The following SLC44A5 variants were observed in gnomAD, a reference collection of about 807,000 sequenced individuals.
The protein encoded by SLC44A5 is solute carrier family 44 member 5, also known as choline transporter-like protein 5.
A neutral mutation model predicts 101.8 loss-of-function variants in SLC44A5; 57 were observed. The ratio of observed to expected loss-of-function variants is 0.56; its 90% CI spans 0.45 to 0.70. The LOEUF is 0.70. Among genes scored for constraint, SLC44A5 ranks in the 30% least tolerant of loss-of-function variants. The probability of loss-of-function intolerance (pLI) is 0.00; values close to 1 mark genes in which losing one functional copy is unlikely to be tolerated. For synonymous variants in SLC44A5, 281 were observed against 290.9 expected, an observed-to-expected ratio of 0.97 and a Z score of 0.35; for missense variants, 737 against 853.1, an observed-to-expected ratio of 0.86 and a Z score of 1.70.
intron 5 of SLC44A5, among the ~76,000 whole-genome samples, chr1:75,293,414 G>A (rs1022574552): frequency 6.6e-6 from 1 of 152,140 alleles, no homozygotes; most frequent in Non-Finnish European, 1.5e-5. Context: ...ATCTGTTTGG[G>A]GCAGGGGAGG....
chr1:75,595,995 G>A (rs560343470), intron 1 of SLC44A5, among the ~76,000 whole-genome samples: 24 of 152,174 alleles, frequency 1.6e-4, no homozygotes, highest in African/African-American at 5.5e-4. Flanking sequence ...CTAGCTTTCT[G>A]AGAATTTCTA....
At chr1:75,274,324 TG>T (rs768223056) in intron 6 of SLC44A5, among the ~76,000 whole-genome samples, 1 of 152,050 alleles carries the variant, frequency 6.6e-6, no homozygotes, top group East Asian at 1.9e-4. Flanking sequence ...ATGAGATTTA[TG>T]GGGGGCTGCT....
intron 2 of SLC44A5, among the ~76,000 whole-genome samples, chr1:75,468,416 C>A (rs1666934127): frequency 6.6e-6 from 1 of 152,108 alleles, no homozygotes; most frequent in African/African-American, 2.4e-5. Context: ...TTGGAAGCAA[C>A]CTAAGTGTTC....
At chr1:75,275,536 T>C (rs796536269) in intron 5 of SLC44A5, among the ~76,000 whole-genome samples, 9 of 152,226 alleles carry the variant, frequency 5.9e-5, no homozygotes, top group African/African-American at 2.2e-4. Context: ...TCATGTGACA[T>C]TATAAAGGCA....
chr1:75,474,125 G>C (rs1054545891), intron 2 of SLC44A5, among the ~76,000 whole-genome samples: 2 of 152,090 alleles, frequency 1.3e-5, no homozygotes, highest in African/African-American at 4.8e-5. Context: ...GTCAATAACA[G>C]ATTTCATTCT....
chr1:75,658,166 T>G, the SLC44A5 span, among the ~76,000 whole-genome samples: 3 of 152,112 alleles, frequency 2.0e-5, no homozygotes, highest in African/African-American at 7.2e-5. Flanking sequence ...CCTCGACCTC[T>G]GAGCTCAACT....
At chr1:75,350,718 C>A (rs1450936901) in intron 3 of SLC44A5, among the ~76,000 whole-genome samples, 1 of 151,312 alleles carries the variant, frequency 6.6e-6, no homozygotes, top group Non-Finnish European at 1.5e-5. Context: ...CATGGTGAAA[C>A]CCTGTCTTTA....
the SLC44A5 span, among the ~76,000 whole-genome samples, chr1:75,618,438 C>T: frequency 6.6e-6 from 1 of 152,210 alleles, no homozygotes; most frequent in Non-Finnish European, 1.5e-5. Context: ...ATAGCCCACA[C>T]TGTGTGTTTT....
chr1:75,601,165 A>G (rs1435820828), intron 1 of SLC44A5, among the ~76,000 whole-genome samples: 1 of 152,188 alleles, frequency 6.6e-6, no homozygotes, highest in Non-Finnish European at 1.5e-5. Flanking sequence ...CTCATAATAC[A>G]GATTCTAAAA....
intron 1 of SLC44A5, among the ~76,000 whole-genome samples, chr1:75,554,675 A>C (rs1458274706): frequency 6.6e-6 from 1 of 152,062 alleles, no homozygotes; most frequent in East Asian, 1.9e-4. Flanking sequence ...AACATAATGG[A>C]TTTGATAAGC....
At chr1:75,619,320 T>C in the SLC44A5 span, among the ~76,000 whole-genome samples, 1 of 152,162 alleles carries the variant, frequency 6.6e-6, no homozygotes, top group Middle Eastern at 3.4e-3. Flanking sequence ...ATGGGACCAC[T>C]GTCATATATT....
the SLC44A5 span, among the ~76,000 whole-genome samples, chr1:75,676,721 CA>C: frequency 6.6e-6 from 1 of 152,050 alleles, no homozygotes; most frequent in Admixed American, 6.6e-5. Flanking sequence ...GGTATAGTAA[CA>C]AAACTTCCAA....
the SLC44A5 span, chr1:75,723,882 G>A: frequency 6.6e-6 from 1 of 152,134 alleles, no homozygotes; most frequent in African/African-American, 2.4e-5. Context: ...ATGAATTTAT[G>A]GGTGACCTTT....
chr1:75,522,900 T>C (rs764969306), intron 2 of SLC44A5, among the ~76,000 whole-genome samples: 1 of 152,112 alleles, frequency 6.6e-6, no homozygotes, highest in Non-Finnish European at 1.5e-5. Context: ...CTCTTGAAGG[T>C]AGAAAGAAGG....
the SLC44A5 span, among the ~76,000 whole-genome samples, chr1:75,684,034 G>A: frequency 5.9e-5 from 9 of 152,202 alleles, no homozygotes; most frequent in South Asian, 1.7e-3. Context: ...GTTCCACATG[G>A]CTGGGAAGAC....
chr1:75,213,346 C>T (rs1646895866), intron 22 of SLC44A5, among the ~76,000 whole-genome samples: 1 of 152,086 alleles, frequency 6.6e-6, no homozygotes, highest in South Asian at 2.1e-4. Context: ...TCAACAATAC[C>T]CAGCTGCTAC....
chr1:75,592,118 T>C (rs1377977195), intron 1 of SLC44A5, among the ~76,000 whole-genome samples: 18 of 152,176 alleles, frequency 1.2e-4, no homozygotes, highest in Admixed American at 1.2e-3. Flanking sequence ...TATGATCTTA[T>C]ATTTGGATAA....
chr1:75,470,298 G>A (rs915297903), intron 2 of SLC44A5, among the ~76,000 whole-genome samples: 2 of 152,168 alleles, frequency 1.3e-5, no homozygotes, highest in Non-Finnish European at 2.9e-5. Context: ...AAAGATGGAA[G>A]AGAATGAGCA....
At chr1:75,421,892 T>G (rs1321627416) in intron 2 of SLC44A5, among the ~76,000 whole-genome samples, 3 of 152,076 alleles carry the variant, frequency 2.0e-5, no homozygotes, top group African/African-American at 7.2e-5. Context: ...AAAAAGTACT[T>G]TGGTGAAGTG....
Sources: gnomAD v4.1 joint callset for allele counts (sites outside exome capture counted in the v4.1 genomes callset) on GRCh38, gnomAD v4.1.1 for gene constraint, MANE v1.5 for transcripts, NCBI Gene and HGNC (gene_info 2026-07-23, HGNC 2026-07-21) for gene names.